The following PTPN3 variants were observed in gnomAD, a reference collection of about 807,000 sequenced individuals.
PTPN3 encodes the protein protein tyrosine phosphatase non-receptor type 3.
A neutral mutation model predicts 132.7 loss-of-function variants in PTPN3; 96 were observed. That is an observed-to-expected ratio of 0.72 (90% CI 0.61 to 0.86). PTPN3 has a LOEUF of 0.86. PTPN3 is among the 40% of genes least tolerant of loss of function. PTPN3 has a pLI of 0.00. For missense variants in PTPN3, 1,125 were observed against 1,159.6 expected, an observed-to-expected ratio of 0.97 and a Z score of 0.43; for synonymous variants, 398 against 429.0, an observed-to-expected ratio of 0.93 and a Z score of 0.89.
In PTPN3 at chr9:109,420,485, C is replaced by T. The variant is rs752752824; in HGVS notation, c.1252G>A (p.Gly418Ser). 6.2e-7 allele frequency: 1 copy of T among 1,613,578 alleles called. No homozygotes were observed. Among genetic ancestry groups the T allele is most frequent in the South Asian group, 1.1e-5 (1 of 91,042 alleles). The change falls in exon 14 of 26, where the codon GGC (glycine) becomes AGC (serine). Residue 418 changes from glycine to serine, a missense_variant. Coordinates refer to ENST00000374541, the MANE Select transcript of PTPN3 (RefSeq NM_002829.4). ...ETEDVFYTYK[G>S]SLAPQDSDSE... ...TCGCTGTCTTGAGGGGCCAGAGAGC[C>T]CTTGTACGTGTAAAATACATCTTCC... is the stretch of plus-strand genomic sequence containing the variant.
the PTPN3 span, among the ~76,000 whole-genome samples, chr9:109,510,599 A>ATATATATATT: frequency 0.015 from 1,199 of 81,686 alleles, 11 homozygotes; most frequent in East Asian, 0.033. Context: ...ATATATATAT[A>ATATATATATT]TATATATATG....
intron 14 of PTPN3, chr9:109,417,558 C>G: frequency 8.4e-6 from 8 of 956,706 alleles, no homozygotes; most frequent in Non-Finnish European, 9.9e-6. Context: ...TTTTTTCTCT[C>G]ACCAGGTACA....
chr9:109,387,522 C>T (rs988798657), intron 22 of PTPN3, among the ~76,000 whole-genome samples: 6 of 152,196 alleles, frequency 3.9e-5, no homozygotes, highest in African/African-American at 1.4e-4. Flanking sequence ...TCCTGACTCA[C>T]TATGCCACGT....
chr9:109,416,560 C>T lies in PTPN3; in HGVS notation c.1313+3864G>A, dbSNP rs527742312. Among the ~76,000 whole-genome samples the T allele has an allele frequency of 3.3e-5, 5 of 151,532 alleles. No homozygotes were observed. The South Asian group carries it at 1.0e-3, about 32-fold the overall frequency. Reference sequence around the variant, plus strand: ...TCCTGGGCTCAAGTGATTCTCTCATCTCAACCTCCCGAGCAGCCAGGACAA... The same window carrying T: ...TCCTGGGCTCAAGTGATTCTCTCATTTCAACCTCCCGAGCAGCCAGGACAA... On this transcript the variant is annotated intron_variant, in intron 14 of 25. Coordinates refer to ENST00000374541, the MANE Select transcript of PTPN3 (RefSeq NM_002829.4).
At chr9:109,439,774 T>C (rs1255105471) in intron 7 of PTPN3, among the ~76,000 whole-genome samples, 1 of 152,150 alleles carries the variant, frequency 6.6e-6, no homozygotes, top group Non-Finnish European at 1.5e-5. Flanking sequence ...CCAGGTATGA[T>C]GGTGCATGCC....
the PTPN3 span, among the ~76,000 whole-genome samples, chr9:109,523,273 C>T: frequency 1.3e-5 from 2 of 151,968 alleles, no homozygotes; most frequent in African/African-American, 2.4e-5. Flanking sequence ...TGCCACCATG[C>T]CCGGCTTATT....
chr9:109,510,783 C>T, the PTPN3 span, among the ~76,000 whole-genome samples: 6 of 151,376 alleles, frequency 4.0e-5, no homozygotes, highest in African/African-American at 1.5e-4. Context: ...TTCTCAAACT[C>T]CAGCATTCAA....
intron 8 of PTPN3, 141 bp from the exon 9 acceptor site, chr9:109,437,111 C>T (rs761095633): frequency 5.7e-5 from 78 of 1,357,010 alleles, no homozygotes; most frequent in Middle Eastern, 2.2e-4. Flanking sequence ...CAATCTAATG[C>T]TAAATTCTAC....
intron 1 of PTPN3, among the ~76,000 whole-genome samples, chr9:109,495,774 A>T (rs1246355069): frequency 6.6e-6 from 1 of 152,230 alleles, no homozygotes; most frequent in Non-Finnish European, 1.5e-5. Flanking sequence ...CTACCAGAGT[A>T]TCTTCTGTAT....
At chr9:109,497,208 C>T (rs1409104060) in intron 1 of PTPN3, among the ~76,000 whole-genome samples, 2 of 152,190 alleles carry the variant, frequency 1.3e-5, no homozygotes, top group African/African-American at 4.8e-5. Flanking sequence ...AAGATGGTTT[C>T]CTAATTCTAA....
intron 14 of PTPN3, among the ~76,000 whole-genome samples, chr9:109,414,468 G>A (rs2131798911): frequency 6.6e-6 from 1 of 152,306 alleles, no homozygotes; most frequent in Admixed American, 6.5e-5. Flanking sequence ...TAAAATTCCT[G>A]GAGAAATTTC....
chr9:109,469,231 G>A (rs1483877535), intron 1 of PTPN3, among the ~76,000 whole-genome samples: 1 of 152,188 alleles, frequency 6.6e-6, no homozygotes, highest in African/African-American at 2.4e-5. Flanking sequence ...TCGGATCTGG[G>A]AAACTGTTCT....
At chr9:109,496,521 C>T (rs1847676127) in intron 1 of PTPN3, among the ~76,000 whole-genome samples, 1 of 152,208 alleles carries the variant, frequency 6.6e-6, no homozygotes, top group South Asian at 2.1e-4. Flanking sequence ...ATGTCCTCAT[C>T]TGTAAAATGG....
intron 25 of PTPN3, among the ~76,000 whole-genome samples, chr9:109,381,303 C>A (rs1221757592): frequency 6.6e-6 from 1 of 152,132 alleles, no homozygotes; most frequent in Non-Finnish European, 1.5e-5. Flanking sequence ...ACGGGTGGAA[C>A]AGAGCTCAAA....
In PTPN3 at chr9:109,433,237, C is replaced by T. The variant is rs987920421; in HGVS notation, c.676-76G>A. On this transcript the variant is annotated intron_variant, in intron 9 of 25. Transcript: ENST00000374541. ...CCCTCTGGTGACTTTAAAGCACCCACGCTGTTATAAATAGTCATATGTATA... is the reference window on the plus strand; with the variant it reads ...CCCTCTGGTGACTTTAAAGCACCCATGCTGTTATAAATAGTCATATGTATA... The T allele has an allele frequency of 1.8e-5, 29 of 1,579,458 alleles. No individual in the cohort carries two copies. The Admixed American group carries it at 2.1e-4, about 11-fold the overall frequency.
intron 10 of PTPN3, among the ~76,000 whole-genome samples, chr9:109,430,320 C>T (rs895312291): frequency 1.3e-5 from 2 of 152,248 alleles, no homozygotes; most frequent in Non-Finnish European, 1.5e-5. Context: ...ACCTCTTACT[C>T]CCCCCACCCC....
chr9:109,404,662 C>T (rs866446013), intron 18 of PTPN3, 54 bp from the exon 19 acceptor site: 319 of 1,365,132 alleles, frequency 2.3e-4, no homozygotes, highest in Middle Eastern at 2.3e-3. Flanking sequence ...CAGGTTTATC[C>T]GTCTCCCTCA....
intron 10 of PTPN3, chr9:109,429,076 T>C (rs1843486616): frequency 1.0e-6 from 1 of 984,428 alleles, no homozygotes. Flanking sequence ...GCTCCATTAC[T>C]TAACAGCCAC....
At chr9:109,412,734 T>C (rs879277334) in intron 14 of PTPN3, among the ~76,000 whole-genome samples, 4 of 151,886 alleles carry the variant, frequency 2.6e-5, no homozygotes, top group Non-Finnish European at 5.9e-5. Flanking sequence ...CTAGAACTCA[T>C]GGTCTCAAGC....
Sources: allele counts gnomAD v4.1 joint callset (sites outside exome capture counted in the v4.1 genomes callset), GRCh38; gene constraint gnomAD v4.1.1; transcripts MANE v1.5; gene names NCBI Gene and HGNC (gene_info 2026-07-23, HGNC 2026-07-21).